The following FAF1 variants were observed in gnomAD, a reference collection of about 807,000 sequenced individuals.
FAF1 encodes the protein Fas associated factor 1, also known as FAS-associated factor 1.
FAF1 carries 25 observed loss-of-function variants against 92.5 expected under a neutral mutation model. That is an observed-to-expected ratio of 0.27 (90% confidence interval 0.20 to 0.38). FAF1 has a LOEUF of 0.38. Among genes scored for constraint, FAF1 ranks in the 10% least tolerant of loss-of-function variants. The pLI is 1.00. For missense variants in FAF1, 636 were observed against 793.3 expected (o/e 0.80, Z 2.38); for synonymous variants, 234 against 273.2 (o/e 0.86, Z 1.42).
At chr1:50,746,249 T>C (rs1164876682) in intron 4 of FAF1, among the ~76,000 whole-genome samples, 3 of 19,720 alleles carry the variant, frequency 1.5e-4, no homozygotes, top group African/African-American at 7.7e-4. Context: ...GAAACGAACA[T>C]ATATATATAT....
intron 2 of FAF1, among the ~76,000 whole-genome samples, chr1:50,807,781 A>C (rs921569152): frequency 6.6e-6 from 1 of 152,262 alleles, no homozygotes; most frequent in African/African-American, 2.4e-5. Flanking sequence ...AAAGAGACCA[A>C]ATCTACATCT....
At chr1:50,604,566 G>C (rs1457403220) in intron 8 of FAF1, among the ~76,000 whole-genome samples, 1 of 152,106 alleles carries the variant, frequency 6.6e-6, no homozygotes, top group African/African-American at 2.4e-5. Context: ...GGAGTGCAGT[G>C]GTACAATCAC....
intron 1 of FAF1, among the ~76,000 whole-genome samples, chr1:50,880,313 A>G (rs1644601541): frequency 1.3e-5 from 2 of 152,236 alleles, no homozygotes; most frequent in Non-Finnish European, 2.9e-5. Context: ...AAGTGGGGGT[A>G]GAGTGAGAGG....
chr1:50,490,158 G>A (rs771691739), intron 17 of FAF1, among the ~76,000 whole-genome samples: 4 of 152,076 alleles, frequency 2.6e-5, no homozygotes, highest in Non-Finnish European at 5.9e-5. Flanking sequence ...TCAGGAGTTC[G>A]AGACCAGCAT....
chr1:50,519,370 A>AGGGAG (rs1557978753), intron 15 of FAF1, among the ~76,000 whole-genome samples: 5 of 99,538 alleles, frequency 5.0e-5, no homozygotes, highest in African/African-American at 2.3e-4. Context: ...GAAGGAAGGA[A>AGGGAG]GGAGGGAGGG....
chr1:50,868,272 A>G (rs1476843639), intron 1 of FAF1, among the ~76,000 whole-genome samples: 1 of 152,208 alleles, frequency 6.6e-6, no homozygotes, highest in Non-Finnish European at 1.5e-5. Flanking sequence ...AGAAATCACC[A>G]CTAAAGTACT....
At chr1:50,756,355 C>T (rs1009701706) in intron 4 of FAF1, among the ~76,000 whole-genome samples, 8 of 152,222 alleles carry the variant, frequency 5.3e-5, no homozygotes, top group Non-Finnish European at 1.0e-4. Flanking sequence ...ACCTCTGCTC[C>T]ATTTCCCAAC....
intron 12 of FAF1, among the ~76,000 whole-genome samples, chr1:50,572,602 G>A (rs574794065): frequency 3.6e-4 from 55 of 152,304 alleles, no homozygotes; most frequent in Admixed American, 1.0e-3. Flanking sequence ...AACACAAGCA[G>A]GAGAGTAGGA....
chr1:50,745,064 G>C lies in FAF1; in HGVS notation c.368-289C>G, dbSNP rs543629539. ...GCACTTTGAGAGGCCAAGGTGGGCAGATCACCTGAGACCAGGAGTTCAAGA... is the reference window on the plus strand; with the variant it reads ...GCACTTTGAGAGGCCAAGGTGGGCACATCACCTGAGACCAGGAGTTCAAGA... On this transcript the variant is annotated intron_variant, in intron 4 of 18. Coordinates refer to ENST00000396153, the MANE Select transcript of FAF1 (RefSeq NM_007051.3). Among the ~76,000 whole-genome samples, 53 of 152,286 alleles carry C rather than the reference G, an allele frequency of 3.5e-4. 1 individual carries two copies. The South Asian group carries it at 9.8e-3, about 28-fold the overall frequency.
intron 1 of FAF1, among the ~76,000 whole-genome samples, chr1:50,943,102 C>A (rs931984351): frequency 6.6e-6 from 1 of 152,188 alleles, no homozygotes; most frequent in African/African-American, 2.4e-5. Context: ...ACATCCACTC[C>A]TCATTTCTAA....
chr1:50,626,583 G>A (rs1653508158), intron 8 of FAF1, among the ~76,000 whole-genome samples: 1 of 152,158 alleles, frequency 6.6e-6, no homozygotes, highest in Admixed American at 6.5e-5. Context: ...AAGTAAGCAA[G>A]AAGTAAGACT....
intron 8 of FAF1, among the ~76,000 whole-genome samples, chr1:50,631,606 G>GA (rs1344864476): frequency 2.6e-5 from 4 of 151,998 alleles, no homozygotes; most frequent in African/African-American, 7.3e-5. Flanking sequence ...GACTTAATAA[G>GA]AAAAAACAAT....
intron 8 of FAF1, among the ~76,000 whole-genome samples, chr1:50,648,506 C>G (rs995409745): frequency 6.6e-6 from 1 of 152,148 alleles, no homozygotes; most frequent in Non-Finnish European, 1.5e-5. Flanking sequence ...GAAAACAAAC[C>G]TGGAAGGGAA....
intron 8 of FAF1, among the ~76,000 whole-genome samples, chr1:50,607,698 T>C (rs185789228): frequency 1.2e-4 from 18 of 152,350 alleles, no homozygotes; most frequent in Non-Finnish European, 2.6e-4. Context: ...AAGCCTTCTA[T>C]ATGACCTCCC....
chr1:50,959,764 C>T lies in FAF1; in HGVS notation c.45+3G>A. ...GGGAGGGGAAGAGGGCCAGATACTT[C>T]ACCTGAAAATCCGCCAGGATCATCT... is the stretch of plus-strand genomic sequence containing the variant. On this transcript the variant is annotated splice_donor_region_variant and intron_variant, in intron 1 of 18. Coordinates refer to ENST00000396153, the MANE Select transcript of FAF1 (RefSeq NM_007051.3). 1 of 1,601,610 alleles carries T rather than the reference C, an allele frequency of 6.2e-7. No individual in the cohort carries two copies.
chr1:50,772,088 A>T (rs1660794102), intron 4 of FAF1, among the ~76,000 whole-genome samples: 1 of 152,194 alleles, frequency 6.6e-6, no homozygotes, highest in African/African-American at 2.4e-5. Flanking sequence ...GATGTTGCTC[A>T]ACTGCAAGAA....
rs546427032 is a variant in FAF1, at chr1:50,772,273, G to C, written c.367+15727C>G. Among the ~76,000 whole-genome samples the C allele has an allele frequency of 2.6e-5, 4 of 152,312 alleles. No homozygotes were observed. The South Asian group carries it at 8.3e-4, about 32-fold the overall frequency. ...GGGAATGTAAATTAGTTCAGCCTTTGTGGAAAGCAGTTTGGCAATCTCTCA... is the reference window on the plus strand; with the variant it reads ...GGGAATGTAAATTAGTTCAGCCTTTCTGGAAAGCAGTTTGGCAATCTCTCA... On this transcript the variant is annotated intron_variant, in intron 4 of 18. Coordinates refer to ENST00000396153, the MANE Select transcript of FAF1 (RefSeq NM_007051.3).
intron 18 of FAF1, among the ~76,000 whole-genome samples, chr1:50,468,232 A>G (rs1646523887): frequency 6.6e-6 from 1 of 151,994 alleles, no homozygotes. Context: ...AACAACAACA[A>G]AACTGCATCA....
chr1:50,735,396 G>A (rs1035702564), intron 6 of FAF1, among the ~76,000 whole-genome samples: 5 of 152,066 alleles, frequency 3.3e-5, no homozygotes, highest in South Asian at 2.1e-4. Context: ...TTTGCTCTTC[G>A]ATTCTCAGAA....
Sources: gnomAD v4.1 joint callset for allele counts (sites outside exome capture counted in the v4.1 genomes callset) on GRCh38, gnomAD v4.1.1 for gene constraint, MANE v1.5 for transcripts, NCBI Gene and HGNC (gene_info 2026-07-23, HGNC 2026-07-21) for gene names.